ADAM10: variants seen among roughly 807,000 people sequenced by gnomAD.
The protein encoded by ADAM10 is disintegrin and metalloproteinase domain-containing protein 10.
A neutral mutation model predicts 90.1 loss-of-function variants in ADAM10; 17 were observed. The ratio of observed to expected loss-of-function variants is 0.19; its 90% CI spans 0.13 to 0.28. The LOEUF is 0.28. Ranked by LOEUF, ADAM10 falls within the 10% of genes least tolerant of loss-of-function variation. ADAM10 has a pLI of 1.00. For synonymous variants in ADAM10, 310 were observed against 298.6 expected, an observed-to-expected ratio of 1.04 and a Z score of -0.40; for missense variants, 610 against 914.3, an observed-to-expected ratio of 0.67 and a Z score of 4.29.
At chr15:58,706,321 T>A (rs545259721) in intron 2 of ADAM10, among the ~76,000 whole-genome samples, 2 of 152,148 alleles carry the variant, frequency 1.3e-5, no homozygotes, top group Non-Finnish European at 2.9e-5. Context: ...TTCTATCATA[T>A]CTAAAATGAA....
chr15:58,630,777 A>T (rs1297142443), intron 9 of ADAM10, among the ~76,000 whole-genome samples: 2 of 152,178 alleles, frequency 1.3e-5, no homozygotes, highest in African/African-American at 4.8e-5. Context: ...GTTAAGGGAG[A>T]CAGGTTCAGG....
intron 9 of ADAM10, among the ~76,000 whole-genome samples, chr15:58,629,085 G>A (rs1309248703): frequency 6.6e-6 from 1 of 152,092 alleles, no homozygotes; most frequent in African/African-American, 2.4e-5. Context: ...CAGCATTAGA[G>A]TTTTAGAAAG....
At chr15:58,738,380 G>A (rs1423605197) in intron 1 of ADAM10, among the ~76,000 whole-genome samples, 1 of 152,146 alleles carries the variant, frequency 6.6e-6, no homozygotes, top group Non-Finnish European at 1.5e-5. Context: ...CTATATTCCA[G>A]CAATATATTT....
At chr15:58,735,500 G>A (rs1019092102) in intron 1 of ADAM10, among the ~76,000 whole-genome samples, 1 of 152,058 alleles carries the variant, frequency 6.6e-6, no homozygotes, top group Non-Finnish European at 1.5e-5. Context: ...ACAAAATGAC[G>A]CGGTATTTGC....
intron 2 of ADAM10, among the ~76,000 whole-genome samples, chr15:58,687,783 G>C (rs1369517185): frequency 6.6e-6 from 1 of 152,152 alleles, no homozygotes; most frequent in Non-Finnish European, 1.5e-5. Context: ...AAATTATGCT[G>C]AGTGGAAAAG....
intron 5 of ADAM10, among the ~76,000 whole-genome samples, chr15:58,656,732 T>C (rs113621993): frequency 3.3e-5 from 5 of 152,318 alleles, no homozygotes; most frequent in African/African-American, 1.2e-4. Context: ...TATGAGTAAT[T>C]TATATACCAT....
intron 14 of ADAM10, among the ~76,000 whole-genome samples, chr15:58,603,979 A>T (rs1226649661): frequency 3.3e-5 from 5 of 152,046 alleles, no homozygotes; most frequent in African/African-American, 9.7e-5. Flanking sequence ...GTAGAAAAAA[A>T]TGTTTTGCAA....
At chr15:58,631,787 CA>C (rs142496027) in intron 9 of ADAM10, among the ~76,000 whole-genome samples, 1 of 152,284 alleles carries the variant, frequency 6.6e-6, no homozygotes, top group East Asian at 1.9e-4. Context: ...ATTCTCTGCT[CA>C]TCTCTAAAAT....
chr15:58,718,694 CT>C (rs573768017), intron 1 of ADAM10, among the ~76,000 whole-genome samples: 26 of 152,298 alleles, frequency 1.7e-4, no homozygotes, highest in African/African-American at 6.0e-4. Context: ...TCAATCTAAT[CT>C]TTTGGGATGA....
intron 5 of ADAM10, among the ~76,000 whole-genome samples, chr15:58,659,781 T>A (rs1896924501): frequency 6.6e-6 from 1 of 152,114 alleles, no homozygotes; most frequent in Non-Finnish European, 1.5e-5. Context: ...CAGGCTGGAG[T>A]GCAGTGGTGC....
chr15:58,749,424 C>G, intron 1 of ADAM10, 56 bp downstream of exon 1: 2 of 1,492,952 alleles, frequency 1.3e-6, no homozygotes, highest in South Asian at 1.3e-5. Flanking sequence ...TCCGCTCGGC[C>G]CGGCCGCCGC....
chr15:58,688,755 G>C (rs868733529), intron 2 of ADAM10, among the ~76,000 whole-genome samples: 167 of 101,730 alleles, frequency 1.6e-3, no homozygotes, highest in African/African-American at 6.9e-3. Context: ...TTTCTAAAAT[G>C]AAAAAAAAAA....
At chr15:58,662,916 T>C (rs1023752909) in intron 5 of ADAM10, among the ~76,000 whole-genome samples, 2 of 152,224 alleles carry the variant, frequency 1.3e-5, no homozygotes, top group African/African-American at 4.8e-5. Flanking sequence ...TGTGTTTTTA[T>C]CCTTCTTGAG....
chr15:58,701,205 G>C (rs1170284764), intron 2 of ADAM10, among the ~76,000 whole-genome samples: 9 of 151,468 alleles, frequency 5.9e-5, no homozygotes, highest in Non-Finnish European at 1.2e-4. Flanking sequence ...CATCTGAGAA[G>C]GGACAAATAC....
At chr15:58,726,140 C>T (rs1943611689) in intron 1 of ADAM10, among the ~76,000 whole-genome samples, 2 of 151,984 alleles carry the variant, frequency 1.3e-5, no homozygotes, top group African/African-American at 4.8e-5. Context: ...AACAGCACAA[C>T]AGAAAACAGA....
chr15:58,693,595 T>A (rs756155368), intron 2 of ADAM10, among the ~76,000 whole-genome samples: 13 of 152,230 alleles, frequency 8.5e-5, no homozygotes, highest in Non-Finnish European at 7.4e-5. Context: ...TGAATTGCAA[T>A]ACAGACTTAC....
At chr15:58,692,078 C>T (rs1434817737) in intron 2 of ADAM10, 1 of 477,032 alleles carries the variant, frequency 2.1e-6, no homozygotes, top group African/African-American at 2.0e-5. Flanking sequence ...GTCAACCATA[C>T]CACGGACAAA....
chr15:58,654,612 C>G (rs563194435), intron 5 of ADAM10, among the ~76,000 whole-genome samples: 3 of 152,294 alleles, frequency 2.0e-5, no homozygotes, highest in African/African-American at 7.2e-5. Context: ...CTCCTGGGCT[C>G]AAATGATCAT....
intron 5 of ADAM10, among the ~76,000 whole-genome samples, chr15:58,660,472 C>G: frequency 6.6e-6 from 1 of 151,520 alleles, no homozygotes; most frequent in Admixed American, 6.6e-5. Context: ...CGTGCTTAGT[C>G]CATTTATATT....
Sources: allele counts gnomAD v4.1 joint callset (sites outside exome capture counted in the v4.1 genomes callset), GRCh38; gene constraint gnomAD v4.1.1; transcripts MANE v1.5; gene names NCBI Gene and HGNC (gene_info 2026-07-23, HGNC 2026-07-21).